CNTNAP5: variants seen among roughly 807,000 people sequenced by gnomAD.
CNTNAP5 encodes the protein contactin-associated protein-like 5.
CNTNAP5 carries 72 observed loss-of-function variants against 150.2 expected under a neutral mutation model. That is an observed-to-expected ratio of 0.48 (90% CI 0.40 to 0.58). The LOEUF (loss-of-function observed/expected upper bound fraction) is 0.58, where lower values mean the gene tolerates loss of function less well. Among genes scored for constraint, CNTNAP5 ranks in the 20% least tolerant of loss-of-function variants. CNTNAP5 has a pLI of 0.00. For synonymous variants in CNTNAP5, 672 were observed against 619.8 expected (o/e 1.08, Z -1.25); for missense variants, 1,636 against 1,626.2 (o/e 1.01, Z -0.10).
At chr2:124,453,789 A>G (rs911809409) in intron 6 of CNTNAP5, among the ~76,000 whole-genome samples, 1 of 152,216 alleles carries the variant, frequency 6.6e-6, no homozygotes, top group Admixed American at 6.5e-5. Context: ...ACTAAGCTTC[A>G]TAAATGAAGG....
At chr2:124,685,703 C>T (rs1241422617) in intron 13 of CNTNAP5, among the ~76,000 whole-genome samples, 4 of 151,614 alleles carry the variant, frequency 2.6e-5, no homozygotes, top group East Asian at 1.9e-4. Context: ...TGGTTAATGC[C>T]TCTAAAGAGT....
intron 7 of CNTNAP5, among the ~76,000 whole-genome samples, chr2:124,475,100 G>T (rs1693609288): frequency 6.6e-6 from 1 of 151,822 alleles, no homozygotes; most frequent in South Asian, 2.1e-4. Context: ...GCCATCCAGA[G>T]AATTCATTTT....
intron 3 of CNTNAP5, among the ~76,000 whole-genome samples, chr2:124,247,086 G>A (rs1195486481): frequency 6.6e-6 from 1 of 152,066 alleles, no homozygotes; most frequent in Non-Finnish European, 1.5e-5. Context: ...TCAGTTCCCC[G>A]ATTTCATCCT....
At chr2:124,332,466 A>G (rs1460891915) in intron 3 of CNTNAP5, among the ~76,000 whole-genome samples, 2 of 151,542 alleles carry the variant, frequency 1.3e-5, no homozygotes, top group South Asian at 2.1e-4. Context: ...TAACATTTCA[A>G]TGTGGAATAG....
intron 1 of CNTNAP5, among the ~76,000 whole-genome samples, chr2:124,181,064 C>T (rs1465068650): frequency 6.6e-6 from 1 of 152,032 alleles, no homozygotes; most frequent in African/African-American, 2.4e-5. Context: ...AGCCAGTCAA[C>T]TCATTTAGAC....
intron 1 of CNTNAP5, among the ~76,000 whole-genome samples, chr2:124,221,466 G>A (rs1686310607): frequency 6.6e-6 from 1 of 152,052 alleles, no homozygotes; most frequent in Admixed American, 6.6e-5. Flanking sequence ...TGAGACCTTG[G>A]ACAATCTGCT....
At chr2:124,654,625 T>C (rs1678401708) in intron 13 of CNTNAP5, among the ~76,000 whole-genome samples, 3 of 152,156 alleles carry the variant, frequency 2.0e-5, no homozygotes, top group Admixed American at 2.0e-4. Context: ...CGGCCCACTT[T>C]CACCATGCTC....
chr2:124,326,219 G>A (rs1413137776), intron 3 of CNTNAP5, among the ~76,000 whole-genome samples: 1 of 152,112 alleles, frequency 6.6e-6, no homozygotes, highest in East Asian at 1.9e-4. Flanking sequence ...CCTGTGCATG[G>A]GGATTACCAT....
intron 3 of CNTNAP5, among the ~76,000 whole-genome samples, chr2:124,356,190 G>T: frequency 6.6e-6 from 1 of 151,974 alleles, no homozygotes; most frequent in Admixed American, 6.6e-5. Flanking sequence ...ATTTTAGAAG[G>T]TATAAAAATA....
At chr2:124,077,451 A>G (rs1682465433) in intron 1 of CNTNAP5, among the ~76,000 whole-genome samples, 1 of 152,154 alleles carries the variant, frequency 6.6e-6, no homozygotes, top group Non-Finnish European at 1.5e-5. Context: ...GTCACAAATT[A>G]TTGGGAGTCC....
intron 3 of CNTNAP5, among the ~76,000 whole-genome samples, chr2:124,291,932 A>G (rs1688305634): frequency 6.6e-6 from 1 of 152,130 alleles, no homozygotes; most frequent in Non-Finnish European, 1.5e-5. Context: ...ATCACAGCAT[A>G]ATATTTTAAA....
chr2:124,030,854 G>T (rs1681028068), intron 1 of CNTNAP5, among the ~76,000 whole-genome samples: 1 of 152,230 alleles, frequency 6.6e-6, no homozygotes, highest in East Asian at 1.9e-4. Context: ...ACAGTACCAT[G>T]AAAGGCACAT....
chr2:124,371,973 T>C (rs1690539269), intron 3 of CNTNAP5, among the ~76,000 whole-genome samples: 1 of 152,040 alleles, frequency 6.6e-6, no homozygotes, highest in Admixed American at 6.6e-5. Context: ...ATCTGGTGTG[T>C]CTGTGAGGGT....
intron 19 of CNTNAP5, among the ~76,000 whole-genome samples, chr2:124,805,463 T>C (rs1682062485): frequency 6.6e-6 from 1 of 152,056 alleles, no homozygotes; most frequent in African/African-American, 2.4e-5. Flanking sequence ...ACTCCCCACC[T>C]CAACCCCAAC....
At chr2:124,033,446 C>T (rs1681118526) in intron 1 of CNTNAP5, among the ~76,000 whole-genome samples, 2 of 152,240 alleles carry the variant, frequency 1.3e-5, no homozygotes, top group East Asian at 1.9e-4. Context: ...TTTTCCCCTC[C>T]CTCCCTTCTT....
At chr2:124,775,927 G>C (rs2104614884) in intron 17 of CNTNAP5, among the ~76,000 whole-genome samples, 1 of 152,290 alleles carries the variant, frequency 6.6e-6, no homozygotes, top group Non-Finnish European at 1.5e-5. Context: ...ATCCAATGGA[G>C]AGATCTGAGT....
At position 124,902,965 on chromosome 2, in the gene CNTNAP5, A is replaced by C; in HGVS notation, c.3520A>C (p.Ile1174Leu). Residue 1174 changes from isoleucine (I) to leucine (L), a missense_variant, in exon 22 of 24, where the codon ATA (isoleucine) becomes CTA (leucine). By Grantham distance (5) the Ile-to-Leu change is conservative (BLOSUM62 2). Transcript: ENST00000682447. Reference sequence around the variant, plus strand: ...CATGTCTTCCGTCCAGTACAACCACATAGCACCACTGAAGGCTGCCCTGCG... The same window carrying C: ...CATGTCTTCCGTCCAGTACAACCACCTAGCACCACTGAAGGCTGCCCTGCG... ...GCMSSVQYNH[I>L]APLKAALRHA... 2 of 1,613,214 alleles carry C rather than the reference A, an allele frequency of 1.2e-6. No individual in the cohort carries two copies.
chr2:124,324,266 A>G (rs976725787), intron 3 of CNTNAP5, among the ~76,000 whole-genome samples: 5 of 152,188 alleles, frequency 3.3e-5, no homozygotes, highest in Admixed American at 3.3e-4. Flanking sequence ...CCAACTTTCT[A>G]GGCAGCCTGG....
intron 13 of CNTNAP5, among the ~76,000 whole-genome samples, chr2:124,707,647 G>A (rs1679719677): frequency 6.6e-6 from 1 of 152,098 alleles, no homozygotes; most frequent in Admixed American, 6.5e-5. Context: ...ATTTGAAGGT[G>A]GGAGCCTGAA....
Sources: gnomAD v4.1 joint callset for allele counts (sites outside exome capture counted in the v4.1 genomes callset) on GRCh38, gnomAD v4.1.1 for gene constraint, MANE v1.5 for transcripts, NCBI Gene and HGNC (gene_info 2026-07-23, HGNC 2026-07-21) for gene names.